PIEZO2: variants seen among roughly 807,000 people sequenced by gnomAD.
PIEZO2 encodes piezo type mechanosensitive ion channel component 2.
In PIEZO2, 172 loss-of-function variants were observed where a neutral mutation model predicts 337.3. The ratio of observed to expected loss-of-function variants is 0.51; its 90% CI spans 0.45 to 0.58. PIEZO2 has a LOEUF of 0.58. Ranked by LOEUF, PIEZO2 falls within the 20% of genes least tolerant of loss-of-function variation. The pLI, the probability that PIEZO2 is intolerant of heterozygous loss-of-function variation, is 0.00. For missense variants in PIEZO2, 3,028 were observed against 3,391.3 expected (o/e 0.89, Z 2.66); for synonymous variants, 1,251 against 1,228.5 (o/e 1.02, Z -0.38).
chr18:11,130,004 A>G (rs1275065663), intron 1 of PIEZO2, among the ~76,000 whole-genome samples: 1 of 152,210 alleles, frequency 6.6e-6, no homozygotes, highest in Admixed American at 6.5e-5. Flanking sequence ...CCTGACTAGT[A>G]GGGTGAGGGC....
At chr18:11,123,064 A>T (rs1393223694) in intron 1 of PIEZO2, among the ~76,000 whole-genome samples, 2 of 152,090 alleles carry the variant, frequency 1.3e-5, no homozygotes, top group African/African-American at 2.4e-5. Flanking sequence ...AATCTATTAA[A>T]CTAGTCTAAG....
At chr18:10,866,064 A>C (rs2041997901) in intron 5 of PIEZO2, among the ~76,000 whole-genome samples, 1 of 152,240 alleles carries the variant, frequency 6.6e-6, no homozygotes, top group African/African-American at 2.4e-5. Context: ...TCTTTGAAAA[A>C]GGCAGAGAAG....
In PIEZO2 at chr18:10,681,948, G is replaced by A. The variant is rs530347808; in HGVS notation, c.7686+156C>T. Among the ~76,000 whole-genome samples, 220 of 151,628 alleles carry A rather than the reference G, an allele frequency of 1.5e-3. 1 individual carries two copies. Among genetic ancestry groups the A allele is most frequent in the African/African-American group, 4.9e-3 (202 of 41,324 alleles). On this transcript the variant is annotated intron_variant, in intron 50 of 55. Coordinates refer to ENST00000674853, the MANE Select transcript of PIEZO2 (RefSeq NM_001378183.1). Reference sequence around the variant, plus strand: ...ACCAAAGGGAAACTAGTCTCTCAGTGTCTTCTGCACCTTATTCATACATCA... The same window carrying A: ...ACCAAAGGGAAACTAGTCTCTCAGTATCTTCTGCACCTTATTCATACATCA...
rs546390167 is a variant in PIEZO2, at chr18:10,915,611, C to T, written c.287-4383G>A. Among the ~76,000 whole-genome samples, 8 of 152,254 alleles carry T rather than the reference C, an allele frequency of 5.3e-5. 1 individual carries two copies. Among genetic ancestry groups the T allele is most frequent in the Admixed American group, 1.3e-4 (2 of 15,288 alleles). ...TTATTAATCCCTTACCAAGTAGGTG[C>T]TAGCTTCCTATATATTAGCTAACTT... On this transcript the variant is annotated intron_variant, in intron 3 of 55. Coordinates refer to ENST00000674853, the MANE Select transcript of PIEZO2 (RefSeq NM_001378183.1).
At chr18:10,678,943 T>C (rs956847087) in intron 52 of PIEZO2, among the ~76,000 whole-genome samples, 1 of 151,308 alleles carries the variant, frequency 6.6e-6, no homozygotes, top group Non-Finnish European at 1.5e-5. Flanking sequence ...CTTTTTTTTT[T>C]TTTTTTTTTG....
At chr18:10,966,162 G>C (rs2033987946) in intron 3 of PIEZO2, among the ~76,000 whole-genome samples, 2 of 152,186 alleles carry the variant, frequency 1.3e-5, no homozygotes, top group South Asian at 4.2e-4. Flanking sequence ...ATCAGCTCCT[G>C]TTTCAGGAAG....
intron 48 of PIEZO2, 30 bp from the exon 49 acceptor site, chr18:10,689,832 C>T (rs985701413): frequency 1.9e-6 from 3 of 1,580,280 alleles, no homozygotes; most frequent in East Asian, 4.5e-5. Flanking sequence ...GTCAGAGAGA[C>T]ATTCGTGGGT....
chr18:10,832,010 G>T (rs2040857017), intron 7 of PIEZO2, among the ~76,000 whole-genome samples: 1 of 152,068 alleles, frequency 6.6e-6, no homozygotes, highest in Non-Finnish European at 1.5e-5. Flanking sequence ...ATTAAACAGA[G>T]TTGGAGGCCA....
intron 16 of PIEZO2, among the ~76,000 whole-genome samples, chr18:10,785,953 G>A (rs1198062383): frequency 6.6e-6 from 1 of 151,938 alleles, no homozygotes; most frequent in Non-Finnish European, 1.5e-5. Context: ...ACTCTTCGCT[G>A]TCCACTCACC....
chr18:11,116,951 A>AAAAT lies in PIEZO2; in HGVS notation c.64+31573_64+31574insATTT. ...TGATGAAACCCTGTCTCTACTAAAA[A>AAAAT]TATAAAAATTAGCCTGGCTTGGTGG... On this transcript the variant is annotated intron_variant, in intron 1 of 55. Transcript: ENST00000674853. This position sits in a 1 kb window ranked among gnomAD's most constrained non-coding sequence, Gnocchi z 5.0. Among the ~76,000 whole-genome samples, 1 of 151,954 alleles carries AAAAT rather than the reference A, an allele frequency of 6.6e-6. No homozygotes were observed. Among genetic ancestry groups the AAAAT allele is most frequent in the Non-Finnish European group, 1.5e-5 (1 of 68,000 alleles).
At chr18:10,950,031 C>G (rs1196362650) in intron 3 of PIEZO2, among the ~76,000 whole-genome samples, 1 of 152,112 alleles carries the variant, frequency 6.6e-6, no homozygotes, top group Non-Finnish European at 1.5e-5. Flanking sequence ...CAAAGAAAAA[C>G]AATATTACTT....
chr18:10,738,454 A>G (rs2037094295), intron 33 of PIEZO2: 1 of 152,210 alleles, frequency 6.6e-6, no homozygotes. Flanking sequence ...TATTTATGTG[A>G]GCTAGTGGAA....
At chr18:10,806,960 A>G (rs1323256863) in intron 8 of PIEZO2, among the ~76,000 whole-genome samples, 152 bp downstream of exon 8, 1 of 152,148 alleles carries the variant, frequency 6.6e-6, no homozygotes, top group African/African-American at 2.4e-5. Context: ...TTCACTTAAT[A>G]CTCTTTGCAG....
At position 11,069,510 on chromosome 18, in the gene PIEZO2, A is replaced by G. The variant is rs2038265185; in HGVS notation, c.65-3288T>C. 6.6e-6 allele frequency among the ~76,000 whole-genome samples: 1 copy of G among 152,244 alleles called. No homozygotes were observed. Among genetic ancestry groups the G allele is most frequent in the African/African-American group, 2.4e-5 (1 of 41,468 alleles). On this transcript the variant is annotated intron_variant, in intron 1 of 55. Transcript: ENST00000674853. This position sits in a 1 kb window ranked among gnomAD's most constrained non-coding sequence, Gnocchi z 4.9. ...GGTAAAAATTCTCAACAAATTACAT[A>G]TAGAAGAAATGGACTTCAACACAAT... is the stretch of plus-strand genomic sequence containing the variant.
chr18:10,706,869 G>A (rs962343548), intron 40 of PIEZO2, among the ~76,000 whole-genome samples: 2 of 152,150 alleles, frequency 1.3e-5, no homozygotes, highest in South Asian at 2.1e-4. Context: ...TGAATGGCAC[G>A]TGTGACCACC....
chr18:11,013,809 C>T (rs757615593), intron 2 of PIEZO2, among the ~76,000 whole-genome samples: 10 of 152,060 alleles, frequency 6.6e-5, no homozygotes, highest in Non-Finnish European at 1.3e-4. Flanking sequence ...CAGGAGATGC[C>T]CATTACAGAG....
In PIEZO2 at chr18:10,854,679, C is replaced by A. The variant is rs2144688828; in HGVS notation, c.917+674G>T. Reference sequence around the variant, plus strand: ...TTGATGTTTCTCCCTTTCTCTCTCACACCAGAGACTTATGTATTTTCTTAT... The same window carrying A: ...TTGATGTTTCTCCCTTTCTCTCTCAAACCAGAGACTTATGTATTTTCTTAT... On this transcript the variant is annotated intron_variant, in intron 7 of 55. Coordinates refer to ENST00000674853, the MANE Select transcript of PIEZO2 (RefSeq NM_001378183.1). This position sits in a 1 kb window ranked among gnomAD's most constrained non-coding sequence, Gnocchi z 4.6. 1.3e-5 allele frequency among the ~76,000 whole-genome samples: 2 copies of A among 152,318 alleles called. 1 individual carries two copies. The highest frequency in any genetic ancestry group is 6.8e-3 in the Middle Eastern group (2 of 294).
At chr18:11,106,411 CCTCT>C (rs1171930641) in intron 1 of PIEZO2, among the ~76,000 whole-genome samples, 5 of 146,528 alleles carry the variant, frequency 3.4e-5, no homozygotes, top group Non-Finnish European at 7.4e-5. Flanking sequence ...TTTTTTCTTT[CCTCT>C]CTCTTTTTTT....
Position 10,743,988 on chromosome 18 carries a change from C to T in PIEZO2, c.4514+154G>A, listed in dbSNP as rs7233917. ...ACTTTCAGTCTAGTGGCATGAGCAA[C>T]TGCCCCCGCACAAGAATAAATAAAT... is the stretch of plus-strand genomic sequence containing the variant. On this transcript the variant is annotated intron_variant, in intron 31 of 55. Coordinates refer to ENST00000674853, the MANE Select transcript of PIEZO2 (RefSeq NM_001378183.1). 0.63 allele frequency among the ~76,000 whole-genome samples: 96,397 copies of T among 151,984 alleles called. 32,685 individuals carry two copies. The highest frequency in any genetic ancestry group is 0.89 in the African/African-American group (36,823 of 41,478).
Sources: gnomAD v4.1 joint callset for allele counts (sites outside exome capture counted in the v4.1 genomes callset) on GRCh38, gnomAD v4.1.1 for gene constraint, Gnocchi (gnomAD v3.1) non-coding constraint, MANE v1.5 for transcripts, NCBI Gene and HGNC (gene_info 2026-07-23, HGNC 2026-07-21) for gene names.